DRC1: variants seen among roughly 807,000 people sequenced by gnomAD.
DRC1 encodes dynein regulatory complex protein 1.
DRC1 carries 74 observed loss-of-function variants against 98.7 expected under a neutral mutation model. The observed-to-expected ratio is 0.75, with a 90% CI of 0.62 to 0.91. DRC1 has a LOEUF of 0.91. Ranked by LOEUF, DRC1 falls within the 40% of genes least tolerant of loss-of-function variation. DRC1 has a pLI of 0.00. For synonymous variants in DRC1, 336 were observed against 334.1 expected (o/e 1.01, Z -0.06); for missense variants, 875 against 886.0 (o/e 0.99, Z 0.16).
intron 1 of DRC1, among the ~76,000 whole-genome samples, chr2:26,403,787 C>T (rs1273959897): frequency 1.9e-5 from 2 of 105,612 alleles, no homozygotes; most frequent in Admixed American, 1.1e-4. Context: ...AAGCACAAAA[C>T]TCCATCTCAA....
intron 6 of DRC1, among the ~76,000 whole-genome samples, chr2:26,431,343 TG>T (rs1458066705): frequency 6.6e-6 from 1 of 152,166 alleles, no homozygotes; most frequent in Non-Finnish European, 1.5e-5. Flanking sequence ...GCCTTGCAGA[TG>T]GGGATTGTCT....
chr2:26,428,906 A>C (rs917280212), intron 4 of DRC1, among the ~76,000 whole-genome samples: 1 of 152,198 alleles, frequency 6.6e-6, no homozygotes, highest in African/African-American at 2.4e-5. Context: ...TTTTTACAGC[A>C]AATGCTGTTC....
At chr2:26,420,127 G>GCC (rs1443713952) in intron 2 of DRC1, among the ~76,000 whole-genome samples, 1 of 152,120 alleles carries the variant, frequency 6.6e-6, no homozygotes, top group East Asian at 1.9e-4. Flanking sequence ...TTTTACTTGA[G>GCC]CCCCACATGC....
Position 26,402,173 on chromosome 2 carries a change from C to T in DRC1, c.155+29C>T, listed in dbSNP as rs746662701. On this transcript the variant is annotated intron_variant, in intron 1 of 16. Transcript: ENST00000288710. ...AGCGCGGGGGCGGGCGGGGCGGGAT[C>T]CGCGCCGCAGGAGCCGGAGAAGGGC... is the stretch of plus-strand genomic sequence containing the variant. 13 of 1,553,424 alleles carry T rather than the reference C, an allele frequency of 8.4e-6. 1 individual carries two copies. In the African/African-American group the frequency reaches 1.4e-4, roughly 16 times the overall value.
Position 26,443,543 on chromosome 2 carries a change from T to C in DRC1, c.1029-679T>C, listed in dbSNP as rs542098467. On this transcript the variant is annotated intron_variant, in intron 8 of 16. Coordinates refer to ENST00000288710, the MANE Select transcript of DRC1 (RefSeq NM_145038.5). ...TGGCACCCTGCATAAAACTCTCCTA[T>C]AGCACTTTCCACGCTGTACTGTAAT... Among the ~76,000 whole-genome samples, 6 of 152,350 alleles carry C rather than the reference T, an allele frequency of 3.9e-5. No homozygotes were observed. In the South Asian group the frequency reaches 1.2e-3, roughly 32 times the overall value.
chr2:26,454,852 AGCAGCCGCGTTT>A lies in DRC1; in HGVS notation c.2063+65_2063+76del. 6.2e-7 allele frequency: 1 copy of A among 1,605,686 alleles called. No homozygotes were observed. On this transcript the variant is annotated intron_variant, in intron 15 of 16. Transcript: ENST00000288710. The surrounding 1 kb of genome is among the most constrained non-coding windows in gnomAD (Gnocchi z 5.2). ...GGGCAGGTGAGGAACGGTTGTTGGG[AGCAGCCGCGTTT>A]GCTGCCTCCCTGTCCCACTGAACCT...
chr2:26,418,580 A>AATTT (rs1678904463), intron 2 of DRC1, among the ~76,000 whole-genome samples: 2 of 106,106 alleles, frequency 1.9e-5, no homozygotes, highest in Non-Finnish European at 3.4e-5. Context: ...TATATTATAT[A>AATTT]TAAATTATAT....
intron 5 of DRC1, among the ~76,000 whole-genome samples, chr2:26,430,016 G>A (rs1427909318): frequency 6.6e-6 from 1 of 152,144 alleles, no homozygotes; most frequent in African/African-American, 2.4e-5. Context: ...AGTTCCTGGT[G>A]GAAACTGTAT....
chr2:26,447,137 G>A (rs7586250), intron 10 of DRC1, among the ~76,000 whole-genome samples: 126,879 of 151,758 alleles, frequency 0.84, 54,270 homozygotes, highest in Non-Finnish European at 0.92. Flanking sequence ...AAAATAGGCC[G>A]GGTGCGGTGG....
At chr2:26,402,307 G>C (rs1002328002) in intron 1 of DRC1, among the ~76,000 whole-genome samples, 163 bp downstream of exon 1, 1 of 152,216 alleles carries the variant, frequency 6.6e-6, no homozygotes, top group Non-Finnish European at 1.5e-5. Flanking sequence ...CCAGCACTTA[G>C]GGAGGCCGAG....
At chr2:26,423,287 A>G (rs1225737163) in intron 3 of DRC1, among the ~76,000 whole-genome samples, 1 of 152,252 alleles carries the variant, frequency 6.6e-6, no homozygotes, top group African/African-American at 2.4e-5. Context: ...TTCTTGAAAT[A>G]AAAAAGTCAA....
chr2:26,418,626 A>T (rs1212104527), intron 2 of DRC1, among the ~76,000 whole-genome samples: 3 of 96,298 alleles, frequency 3.1e-5, no homozygotes, highest in African/African-American at 4.4e-5. Flanking sequence ...ATATAATATA[A>T]ATTATATATA....
At chr2:26,424,501 G>T (rs1409476588) in intron 4 of DRC1, 47 bp downstream of exon 4, 1 of 1,552,420 alleles carries the variant, frequency 6.4e-7, no homozygotes, top group Non-Finnish European at 8.7e-7. Flanking sequence ...ATCTGCCTGG[G>T]ATTTAGCTGG....
At position 26,448,696 on chromosome 2, in the gene DRC1, G is replaced by C. The variant is rs964114870; in HGVS notation, c.1402G>C (p.Glu468Gln). Residue 468 changes from glutamate (E) to glutamine (Q), a missense_variant, in exon 11 of 17, where the codon GAG (glutamate) becomes CAG (glutamine). Glu to Gln is a conservative substitution (Grantham distance 29). Transcript: ENST00000288710. The stretch of plus-strand genomic sequence containing the variant: ...TCCCCATGACCCAACTGCAGAAGAG[G>C]AGGAGGCAGAAGAGGCCGCCGCGGA... ...VEEMLMRSEE[E>Q]EAEEAAAEPE... 2.5e-6 allele frequency: 4 copies of C among 1,614,034 alleles called. No homozygotes were observed. Among genetic ancestry groups the C allele is most frequent in the Non-Finnish European group, 2.5e-6 (3 of 1,180,006 alleles).
chr2:26,452,556 C>G (rs1187865895), intron 13 of DRC1, among the ~76,000 whole-genome samples: 1 of 152,218 alleles, frequency 6.6e-6, no homozygotes, highest in Non-Finnish European at 1.5e-5. Context: ...CTAAATATAT[C>G]TCATTACAGT....
intron 7 of DRC1, among the ~76,000 whole-genome samples, chr2:26,432,277 G>C (rs549846114): frequency 6.6e-6 from 1 of 152,072 alleles, no homozygotes; most frequent in Non-Finnish European, 1.5e-5. Flanking sequence ...CATGAGGATC[G>C]CTTGAGCCCC....
At chr2:26,440,306 A>C in intron 7 of DRC1, 72 bp from the exon 8 acceptor site, 1 of 1,401,508 alleles carries the variant, frequency 7.1e-7, no homozygotes, top group Non-Finnish European at 9.3e-7. Flanking sequence ...ATGCAGGTGT[A>C]GAGTTAGTGT....
At chr2:26,443,030 G>T (rs1663757551) in intron 8 of DRC1, among the ~76,000 whole-genome samples, 1 of 152,194 alleles carries the variant, frequency 6.6e-6, no homozygotes. Context: ...AAGCCTCCTT[G>T]AAGGCTGTAG....
chr2:26,425,349 C>T (rs930565348), intron 4 of DRC1, among the ~76,000 whole-genome samples: 2 of 152,120 alleles, frequency 1.3e-5, no homozygotes, highest in Non-Finnish European at 2.9e-5. Flanking sequence ...TTGGATTTCA[C>T]GTTTTGGCTT....
Sources: gnomAD v4.1 joint callset for allele counts (sites outside exome capture counted in the v4.1 genomes callset) on GRCh38, gnomAD v4.1.1 for gene constraint, Gnocchi (gnomAD v3.1) non-coding constraint, MANE v1.5 for transcripts, NCBI Gene and HGNC (gene_info 2026-07-23, HGNC 2026-07-21) for gene names.